Variants in APBB1IP observed in about 807,000 individuals in gnomAD.
APBB1IP encodes the protein amyloid beta A4 precursor protein-binding family B member 1-interacting protein.
In APBB1IP, 27 loss-of-function variants were observed where a neutral mutation model predicts 64.9. The ratio of observed to expected loss-of-function variants is 0.42; its 90% CI spans 0.31 to 0.57. The LOEUF is 0.57. Ranked by LOEUF, APBB1IP falls within the 20% of genes least tolerant of loss-of-function variation. The pLI, the probability that APBB1IP is intolerant of heterozygous loss-of-function variation, is 0.20. For synonymous variants in APBB1IP, 392 were observed against 331.0 expected (o/e 1.18, Z -2.00); for missense variants, 812 against 845.5 (o/e 0.96, Z 0.49).
chr10:26,487,576 TGAAAGGGCAGGG>T (rs1456884996), intron 2 of APBB1IP, among the ~76,000 whole-genome samples: 4 of 151,932 alleles, frequency 2.6e-5, no homozygotes, highest in South Asian at 2.1e-4. Context: ...GGGAAAGGAA[TGAAAGGGCAGGG>T]GAAAGGGCAG....
At chr10:26,536,592 TC>T (rs1433895727) in intron 10 of APBB1IP, among the ~76,000 whole-genome samples, 1 of 111,632 alleles carries the variant, frequency 9.0e-6, no homozygotes. Flanking sequence ...AGATTTTCTT[TC>T]TTTTTTTTTT....
At position 26,471,934 on chromosome 10, in the gene APBB1IP, C is replaced by T. The variant is rs185265061; in HGVS notation, c.1-20393C>T. On this transcript the variant is annotated intron_variant, in intron 2 of 14. Transcript: ENST00000376236. ...TCCTGACCTCATGATCCGCCCTCCT[C>T]GGCCTCCCAAAGTGCTGGGATTACA... 1.8e-4 allele frequency among the ~76,000 whole-genome samples: 28 copies of T among 152,298 alleles called. No homozygotes were observed. In the East Asian group the frequency reaches 4.0e-3, roughly 22 times the overall value.
At chr10:26,448,125 T>G (rs1835421682) in intron 2 of APBB1IP, among the ~76,000 whole-genome samples, 1 of 140,764 alleles carries the variant, frequency 7.1e-6, no homozygotes, top group Non-Finnish European at 1.5e-5. Context: ...TGACATAAAT[T>G]TTTACTAAAA....
intron 2 of APBB1IP, among the ~76,000 whole-genome samples, chr10:26,451,181 T>C (rs901144159): frequency 6.6e-6 from 1 of 152,180 alleles, no homozygotes; most frequent in African/African-American, 2.4e-5. Flanking sequence ...ATCTTTATCA[T>C]ATGAAATTAA....
intron 2 of APBB1IP, among the ~76,000 whole-genome samples, chr10:26,463,437 G>T (rs757030537): frequency 2.0e-5 from 3 of 152,122 alleles, no homozygotes; most frequent in Admixed American, 6.6e-5. Flanking sequence ...GGGACCCCAT[G>T]TCTAAAATTT....
intron 6 of APBB1IP, chr10:26,509,752 A>T (rs1252341561): frequency 1.3e-5 from 2 of 152,178 alleles, no homozygotes; most frequent in Non-Finnish European, 2.9e-5. Context: ...TACCAAATTT[A>T]TGGTTTCTCT....
intron 2 of APBB1IP, among the ~76,000 whole-genome samples, chr10:26,462,506 G>C (rs569144526): frequency 2.0e-5 from 3 of 152,148 alleles, no homozygotes; most frequent in Non-Finnish European, 2.9e-5. Context: ...TGATCATATA[G>C]TATCTCATTT....
intron 2 of APBB1IP, among the ~76,000 whole-genome samples, chr10:26,463,195 T>A (rs1248065135): frequency 2.0e-5 from 3 of 152,184 alleles, no homozygotes; most frequent in African/African-American, 7.2e-5. Context: ...CTCAGCCTTT[T>A]GAGAGGCAGA....
intron 8 of APBB1IP, among the ~76,000 whole-genome samples, chr10:26,515,111 G>C (rs576900594): frequency 6.8e-6 from 1 of 147,844 alleles, no homozygotes; most frequent in Admixed American, 6.9e-5. Context: ...TTGATCTCCT[G>C]ACCTCGTGAT....
chr10:26,510,866 G>A (rs918048834), intron 6 of APBB1IP, among the ~76,000 whole-genome samples: 10 of 151,838 alleles, frequency 6.6e-5, no homozygotes, highest in Admixed American at 6.6e-4. Flanking sequence ...TCTCAAATGT[G>A]CCCTGCTCTA....
In APBB1IP at chr10:26,492,323, T is replaced by G; in HGVS notation, c.1-4T>G. 1 of 1,613,518 alleles carries G rather than the reference T, an allele frequency of 6.2e-7. No individual in the cohort carries two copies. Among genetic ancestry groups the G allele is most frequent in the Non-Finnish European group, 8.5e-7 (1 of 1,179,646 alleles). On this transcript the variant is annotated splice_region_variant and splice_polypyrimidine_tract_variant and intron_variant, in intron 2 of 14. Transcript: ENST00000376236. ...GCTAATATCTCAGTTTCTTCCTTTT[T>G]CAGATGGGTGAGTCAAGTGAAGACA...
chr10:26,475,197 A>G (rs1441918479), intron 2 of APBB1IP, among the ~76,000 whole-genome samples: 1 of 147,532 alleles, frequency 6.8e-6, no homozygotes, highest in African/African-American at 2.5e-5. Flanking sequence ...ATCTCGGTTC[A>G]CTGCAACCTC....
chr10:26,487,271 C>T (rs377052330), intron 2 of APBB1IP, among the ~76,000 whole-genome samples: 3 of 150,948 alleles, frequency 2.0e-5, no homozygotes, highest in South Asian at 2.1e-4. Context: ...ACCACACGTA[C>T]ATATAGGCAC....
chr10:26,538,924 C>T (rs1251303611), intron 10 of APBB1IP, among the ~76,000 whole-genome samples: 1 of 152,096 alleles, frequency 6.6e-6, no homozygotes, highest in Non-Finnish European at 1.5e-5. Context: ...GACAGACAAC[C>T]GTCTAATATC....
rs147406983 is a variant in APBB1IP at position 26,497,289 on chromosome 10, C to T, written c.160+898C>T. 1.4e-4 allele frequency among the ~76,000 whole-genome samples: 21 copies of T among 152,296 alleles called. No individual in the cohort carries two copies. The East Asian group carries it at 3.3e-3, about 24-fold the overall frequency. ...TCTTGAGGCCAGGCGCAGTGGCTCA[C>T]GCCTGAAATTCCAACACTTTGGGAG... is the stretch of plus-strand genomic sequence containing the variant. On this transcript the variant is annotated intron_variant, in intron 4 of 14. Coordinates refer to ENST00000376236, the MANE Select transcript of APBB1IP (RefSeq NM_019043.4).
rs887287668 is a variant in APBB1IP, at chr10:26,553,480, C to T, written c.1156-6625C>T. ...CAACCTGGGCAACATTGTGAAACCT[C>T]GTCTCTACAAAAAATTTAAAAACAT... is the stretch of plus-strand genomic sequence containing the variant. On this transcript the variant is annotated intron_variant, in intron 11 of 14. Transcript: ENST00000376236. 8.6e-5 allele frequency among the ~76,000 whole-genome samples: 13 copies of T among 152,012 alleles called. 1 individual carries two copies. The highest frequency in any genetic ancestry group is 2.1e-4 in the South Asian group (1 of 4,824).
intron 9 of APBB1IP, among the ~76,000 whole-genome samples, chr10:26,535,665 C>A (rs1333382566): frequency 6.6e-6 from 1 of 152,062 alleles, no homozygotes; most frequent in African/African-American, 2.4e-5. Flanking sequence ...TTTTACTTAT[C>A]AGGAAAGTAA....
At chr10:26,485,028 C>G (rs1835875009) in intron 2 of APBB1IP, among the ~76,000 whole-genome samples, 1 of 152,166 alleles carries the variant, frequency 6.6e-6, no homozygotes, top group Non-Finnish European at 1.5e-5. Context: ...TGGTAGTTAT[C>G]AGAATTTTTC....
chr10:26,510,569 C>CA (rs1456408673), intron 6 of APBB1IP, among the ~76,000 whole-genome samples: 1 of 151,896 alleles, frequency 6.6e-6, no homozygotes, highest in African/African-American at 2.4e-5. Context: ...CTTGCCTCTA[C>CA]AAAAAAATGA....
Sources: gnomAD v4.1 joint callset for allele counts (sites outside exome capture counted in the v4.1 genomes callset) on GRCh38, gnomAD v4.1.1 for gene constraint, MANE v1.5 for transcripts, NCBI Gene and HGNC (gene_info 2026-07-23, HGNC 2026-07-21) for gene names.